Variants in KDM8 observed in about 807,000 individuals in gnomAD.
The protein encoded by KDM8 is lysine demethylase 8, also known as bifunctional peptidase and arginyl-hydroxylase JMJD5.
KDM8 carries 35 observed loss-of-function variants against 46.9 expected under a neutral mutation model. That is an observed-to-expected ratio of 0.75 (90% CI 0.57 to 0.99). KDM8 has a LOEUF of 0.99. Ranked by LOEUF, KDM8 falls within the 50% of genes least tolerant of loss-of-function variation. The pLI, the probability that KDM8 is intolerant of heterozygous loss-of-function variation, is 0.00. For synonymous variants in KDM8, 232 were observed against 227.7 expected (o/e 1.02, Z -0.17); for missense variants, 475 against 537.0 (o/e 0.88, Z 1.14).
chr16:27,216,080 T>A, intron 5 of KDM8, 91 bp downstream of exon 5: 1 of 1,375,118 alleles, frequency 7.3e-7, no homozygotes, highest in Non-Finnish European at 1.0e-6. Flanking sequence ...GCAGTGAGCG[T>A]GAGTAGGAGG....
chr16:27,220,741 A>C lies in KDM8; in HGVS notation c.*11A>C. The C allele has an allele frequency of 6.2e-7, 1 of 1,613,956 alleles. No individual in the cohort carries two copies. The highest frequency in any genetic ancestry group is 1.3e-5 in the African/African-American group (1 of 75,000). On this transcript the variant is annotated 3_prime_UTR_variant, in exon 8 of 8. Transcript: ENST00000286096. ...TTCTGGTGGTCGTAGCCAGGATAGGAGCTGAAAGGGCCTGACATGCAGACA... is the reference window on the plus strand; with the variant it reads ...TTCTGGTGGTCGTAGCCAGGATAGGCGCTGAAAGGGCCTGACATGCAGACA...
At chr16:27,205,414 CT>C (rs1289474034) in intron 1 of KDM8, among the ~76,000 whole-genome samples, 3 of 152,136 alleles carry the variant, frequency 2.0e-5, no homozygotes, top group Non-Finnish European at 2.9e-5. Context: ...CACTCAAAAG[CT>C]GTTTTATGCA....
chr16:27,212,699 A>G (rs1031586428), intron 2 of KDM8, among the ~76,000 whole-genome samples: 6 of 152,104 alleles, frequency 3.9e-5, no homozygotes, highest in Admixed American at 1.3e-4. Flanking sequence ...GTGCCACCGC[A>G]CTCCAGCCTG....
intron 1 of KDM8, among the ~76,000 whole-genome samples, chr16:27,205,787 G>A (rs756432597): frequency 6.6e-5 from 10 of 152,150 alleles, no homozygotes; most frequent in East Asian, 1.9e-4. Flanking sequence ...GCAGTGAGGC[G>A]GGATCGCACC....
Position 27,215,954 on chromosome 16 carries a change from G to A in KDM8, c.808G>A (p.Val270Ile), listed in dbSNP as rs756749667. 16 of 1,614,116 alleles carry A rather than the reference G, an allele frequency of 9.9e-6. No homozygotes were observed. Among genetic ancestry groups the A allele is most frequent in the Admixed American group, 1.7e-5 (1 of 60,016 alleles). Residue 270 changes from valine (V) to isoleucine (I), a missense_variant, in exon 5 of 8, where the codon GTC (valine) becomes ATC (isoleucine). By Grantham distance (29) the Val-to-Ile change is conservative. Transcript: ENST00000286096. ...TTCCCCGGTGGATTAGCCAAGGGAC[G>A]TCGGGTACCTTGCTCAGCACCAGCT... ...SKYIVNEPRD[V>I]GYLAQHQLFD...
Position 27,221,290 on chromosome 16 carries a change from A to G in KDM8, c.*560A>G, listed in dbSNP as rs1474373630. ...TCTGATCCTTTTGCCCTTCCTTCCCATAACGGCCTGCTGGACGCCACAGCC... is the reference window on the plus strand; with the variant it reads ...TCTGATCCTTTTGCCCTTCCTTCCCGTAACGGCCTGCTGGACGCCACAGCC... On this transcript the variant is annotated 3_prime_UTR_variant, in exon 8 of 8. Coordinates refer to ENST00000286096, the MANE Select transcript of KDM8 (RefSeq NM_024773.3). 1.3e-5 allele frequency: 3 copies of G among 227,926 alleles called. No individual in the cohort carries two copies. The Admixed American group carries it at 1.5e-4, about 12-fold the overall frequency. 14.1% of individuals were successfully genotyped at this position (227,926 alleles called of 1,614,324 possible).
At chr16:27,215,312 G>T (rs953246967) in intron 4 of KDM8, among the ~76,000 whole-genome samples, 2 of 152,180 alleles carry the variant, frequency 1.3e-5, no homozygotes, top group Non-Finnish European at 2.9e-5. Context: ...AGGCATGGTG[G>T]CTCACACCTG....
rs1414720907 is a variant in KDM8 at position 27,215,939 on chromosome 16, G to A, written c.799-6G>A. ...GTGTTGCCTCTGGTTTTCCCCGGTG[G>A]ATTAGCCAAGGGACGTCGGGTACCT... On this transcript the variant is annotated splice_polypyrimidine_tract_variant and splice_region_variant and intron_variant, in intron 4 of 7. Transcript: ENST00000286096. 2 of 1,614,178 alleles carry A rather than the reference G, an allele frequency of 1.2e-6. No homozygotes were observed. The highest frequency in any genetic ancestry group is 1.7e-6 in the Non-Finnish European group (2 of 1,180,020).
rs759867211 is a variant in KDM8, at chr16:27,220,547, C to T, written c.1087-19C>T. 7.0e-5 allele frequency: 113 copies of T among 1,614,060 alleles called. No individual in the cohort carries two copies. Among genetic ancestry groups the T allele is most frequent in the Non-Finnish European group, 8.9e-5 (105 of 1,180,036 alleles). ...TCCCCACTGCCCCTGGAGATGATGA[C>T]GTCCTTTGCTTTCTTCAGGTTGACG... On this transcript the variant is annotated intron_variant, in intron 7 of 7. Coordinates refer to ENST00000286096, the MANE Select transcript of KDM8 (RefSeq NM_024773.3).
chr16:27,217,038 G>T (rs2083563183), intron 5 of KDM8, among the ~76,000 whole-genome samples: 1 of 152,206 alleles, frequency 6.6e-6, no homozygotes, highest in African/African-American at 2.4e-5. Flanking sequence ...CTTGAAAGAT[G>T]TTTCGGGTAA....
At chr16:27,209,553 C>G (rs1160253040) in intron 1 of KDM8, among the ~76,000 whole-genome samples, 1 of 152,220 alleles carries the variant, frequency 6.6e-6, no homozygotes, top group Non-Finnish European at 1.5e-5. Context: ...AAGCCTGGCA[C>G]TCCTGAGTGA....
chr16:27,205,231 G>A (rs949818492), intron 1 of KDM8, among the ~76,000 whole-genome samples: 13 of 152,004 alleles, frequency 8.6e-5, no homozygotes. Flanking sequence ...TGTTTAGTAC[G>A]ACCAACAAGA....
At chr16:27,216,817 T>C (rs2083560367) in intron 5 of KDM8, among the ~76,000 whole-genome samples, 1 of 152,092 alleles carries the variant, frequency 6.6e-6, no homozygotes, top group Non-Finnish European at 1.5e-5. Context: ...TTCTAATTGA[T>C]CAGGTCCCTA....
At position 27,213,738 on chromosome 16, in the gene KDM8, A is replaced by G. The variant is rs1023278703; in HGVS notation, c.652A>G (p.Met218Val). Reference sequence around the variant, plus strand: ...AGGCGTGGCTGACCACTGGCCGTGCATGCAGAAGTGGAGGTGGGTGGTCGC... The same window carrying G: ...AGGCGTGGCTGACCACTGGCCGTGCGTGCAGAAGTGGAGGTGGGTGGTCGC... ...LKGVADHWPC[M>V]QKWSLEYIQE... The change falls in exon 3 of 8, where the codon ATG becomes GTG. Residue 218 changes from methionine to valine, a missense_variant. Transcript: ENST00000286096. 5 of 1,614,174 alleles carry G rather than the reference A, an allele frequency of 3.1e-6. No homozygotes were observed. Among genetic ancestry groups the G allele is most frequent in the Non-Finnish European group, 3.4e-6 (4 of 1,180,020 alleles).
rs528045173 is a variant in KDM8 at position 27,218,657 on chromosome 16, C to T, written c.844-304C>T. ...AGGATTTTGAGAGCAGCCTATGCAA[C>T]ATGGCGAAACCCTGTCTCTACAAAA... On this transcript the variant is annotated intron_variant, in intron 5 of 7. Transcript: ENST00000286096. 9.8e-5 allele frequency among the ~76,000 whole-genome samples: 15 copies of T among 152,306 alleles called. 1 individual carries two copies. Among genetic ancestry groups the T allele is most frequent in the African/African-American group, 3.6e-4 (15 of 41,568 alleles).
At chr16:27,211,190 C>T in intron 2 of KDM8, 2 of 447,758 alleles carry the variant, frequency 4.5e-6, no homozygotes, top group South Asian at 3.1e-5. Context: ...CTTCGTGGTT[C>T]CTGAGGGAAA....
intron 5 of KDM8, among the ~76,000 whole-genome samples, chr16:27,217,332 T>C (rs142199007): frequency 6.6e-6 from 1 of 152,336 alleles, no homozygotes; most frequent in East Asian, 1.9e-4. Context: ...TCGGGAGCAC[T>C]GATTCCCTTC....
At chr16:27,204,539 T>A (rs566712729) in intron 1 of KDM8, 9 of 215,100 alleles carry the variant, frequency 4.2e-5, no homozygotes, top group Non-Finnish European at 8.0e-5. Flanking sequence ...GACCGCCTGT[T>A]CCCAGAAAGC....
At chr16:27,216,057 C>T (rs961595212) in intron 5 of KDM8, 68 bp downstream of exon 5, 2 of 1,548,582 alleles carry the variant, frequency 1.3e-6, no homozygotes, top group South Asian at 2.2e-5. Flanking sequence ...CTCCTGGGCT[C>T]AGTGCGGCTG....
Sources: gnomAD v4.1 joint callset for allele counts (sites outside exome capture counted in the v4.1 genomes callset) on GRCh38, gnomAD v4.1.1 for gene constraint, MANE v1.5 for transcripts, NCBI Gene and HGNC (gene_info 2026-07-23, HGNC 2026-07-21) for gene names.